Variants in NCAM1 observed in about 807,000 individuals in gnomAD.
NCAM1 encodes antigen recognized by monoclonal antibody 5.1H11.
Under a neutral mutation model 109.8 loss-of-function variants are expected in NCAM1, and 14 were observed. The ratio of observed to expected loss-of-function variants is 0.13; its 90% CI spans 0.08 to 0.20. NCAM1 has a LOEUF of 0.20. NCAM1 is among the 10% of genes least tolerant of loss of function. The pLI, the probability that NCAM1 is intolerant of heterozygous loss-of-function variation, is 1.00. For missense variants in NCAM1, 774 were observed against 1,109.9 expected, an observed-to-expected ratio of 0.70 and a Z score of 4.30; for synonymous variants, 418 against 442.9, an observed-to-expected ratio of 0.94 and a Z score of 0.70.
At chr11:113,168,477 T>C (rs1201791169) in intron 1 of NCAM1, among the ~76,000 whole-genome samples, 1 of 152,216 alleles carries the variant, frequency 6.6e-6, no homozygotes, top group African/African-American at 2.4e-5. Context: ...TTCCACCTAA[T>C]GTGCCTTATG....
intron 14 of NCAM1, among the ~76,000 whole-genome samples, chr11:113,235,780 C>G (rs1555118171): frequency 6.6e-6 from 1 of 152,196 alleles, no homozygotes; most frequent in African/African-American, 2.4e-5. Flanking sequence ...TGATTCCACT[C>G]AGGGATGTAT....
chr11:113,044,636 G>T (rs1394779207), intron 1 of NCAM1, among the ~76,000 whole-genome samples: 1 of 152,018 alleles, frequency 6.6e-6, no homozygotes, highest in African/African-American at 2.4e-5. Flanking sequence ...AATGAGCCAC[G>T]ATCGCGTCAC....
chr11:113,096,114 C>A lies in NCAM1; in HGVS notation c.53-106265C>A, dbSNP rs1939584528. On this transcript the variant is annotated intron_variant, in intron 1 of 19. Coordinates refer to ENST00000316851, the MANE Select transcript of NCAM1 (RefSeq NM_181351.5). ...GTCAGGTCTGACTTCAGGAAGTGCA[C>A]TGGGGTCACAGAGCAAAGGATGGCC... 2.0e-5 allele frequency among the ~76,000 whole-genome samples: 3 copies of A among 152,186 alleles called. No individual in the cohort carries two copies. The South Asian group carries it at 6.2e-4, about 32-fold the overall frequency.
intron 1 of NCAM1, among the ~76,000 whole-genome samples, chr11:112,978,520 A>G (rs1555068090): frequency 1.3e-5 from 2 of 151,810 alleles, no homozygotes; most frequent in Admixed American, 6.6e-5. Flanking sequence ...CTTTCTTTTA[A>G]TAAGACTGTG....
intron 15 of NCAM1, among the ~76,000 whole-genome samples, chr11:113,253,958 G>T (rs1436754072): frequency 6.6e-6 from 1 of 152,182 alleles, no homozygotes; most frequent in Non-Finnish European, 1.5e-5. Context: ...GGGATGAGTT[G>T]GTCACCCCAA....
At chr11:113,145,331 G>C in intron 1 of NCAM1, among the ~76,000 whole-genome samples, 1 of 152,240 alleles carries the variant, frequency 6.6e-6, no homozygotes, top group East Asian at 1.9e-4. Context: ...AAGCACAAAC[G>C]GCAAAAACAT....
chr11:113,041,226 C>G (rs1555079925), intron 1 of NCAM1: 1 of 152,094 alleles, frequency 6.6e-6, no homozygotes, highest in Non-Finnish European at 1.5e-5. Context: ...TTTTCATTCT[C>G]AAATCGGATA....
At chr11:113,252,406 A>G (rs1413106865) in intron 15 of NCAM1, among the ~76,000 whole-genome samples, 6 of 78,292 alleles carry the variant, frequency 7.7e-5, no homozygotes, top group African/African-American at 4.0e-4. Flanking sequence ...ACCCTGTCTC[A>G]AAAAAAAAAA....
chr11:113,067,440 G>A (rs1938021173), intron 1 of NCAM1, among the ~76,000 whole-genome samples: 2 of 152,206 alleles, frequency 1.3e-5, no homozygotes, highest in Admixed American at 6.5e-5. Context: ...CAATTAAAGA[G>A]TCTGTATACC....
intron 1 of NCAM1, among the ~76,000 whole-genome samples, chr11:113,175,261 A>G (rs1555106838): frequency 6.6e-6 from 1 of 152,238 alleles, no homozygotes; most frequent in Non-Finnish European, 1.5e-5. Context: ...TGTGAATGAC[A>G]GCACCACAAT....
chr11:112,980,466 T>C (rs1436626479), intron 1 of NCAM1, among the ~76,000 whole-genome samples: 1 of 151,878 alleles, frequency 6.6e-6, no homozygotes, highest in African/African-American at 2.4e-5. Flanking sequence ...GTGGTATATT[T>C]ATACAATAAA....
At chr11:113,185,231 C>T (rs1284674093) in intron 1 of NCAM1, among the ~76,000 whole-genome samples, 2 of 151,662 alleles carry the variant, frequency 1.3e-5, no homozygotes, top group African/African-American at 4.8e-5. Context: ...GTCCAAGAAC[C>T]AAGAGAGCAG....
chr11:113,172,376 C>T (rs782298853), intron 1 of NCAM1, among the ~76,000 whole-genome samples: 5 of 152,182 alleles, frequency 3.3e-5, no homozygotes, highest in Non-Finnish European at 7.3e-5. Context: ...CCGTCCTCAC[C>T]TGTATTCCCA....
chr11:113,061,795 A>G (rs1343113027), intron 1 of NCAM1, among the ~76,000 whole-genome samples: 1 of 152,250 alleles, frequency 6.6e-6, no homozygotes, highest in East Asian at 1.9e-4. Context: ...ACAGTAACAG[A>G]AAAGAAATGA....
intron 14 of NCAM1, among the ~76,000 whole-genome samples, chr11:113,237,035 A>C (rs1945187749): frequency 6.6e-6 from 1 of 152,332 alleles, no homozygotes; most frequent in South Asian, 2.1e-4. Context: ...AAGACTAACC[A>C]GCTAATGTAG....
At chr11:113,009,321 T>G (rs1459369122) in intron 1 of NCAM1, among the ~76,000 whole-genome samples, 9 of 135,548 alleles carry the variant, frequency 6.6e-5, no homozygotes, top group Non-Finnish European at 1.3e-4. Context: ...GGTTTTTTTT[T>G]TTTTTTTTTT....
chr11:113,152,685 A>G (rs1306840862), intron 1 of NCAM1, among the ~76,000 whole-genome samples: 2 of 152,220 alleles, frequency 1.3e-5, no homozygotes, highest in East Asian at 1.9e-4. Flanking sequence ...ACTATATTCA[A>G]CATTCATTGC....
chr11:113,110,059 A>G (rs543410095), intron 1 of NCAM1, among the ~76,000 whole-genome samples: 2 of 152,342 alleles, frequency 1.3e-5, no homozygotes, highest in Non-Finnish European at 2.9e-5. Flanking sequence ...GCCAAAGTGC[A>G]TGGAGCTAAT....
At chr11:113,007,494 A>C (rs1463548198) in intron 1 of NCAM1, among the ~76,000 whole-genome samples, 1 of 152,216 alleles carries the variant, frequency 6.6e-6, no homozygotes, top group Admixed American at 6.5e-5. Flanking sequence ...CTTATCAATT[A>C]GCAGATGAAA....
Sources: gnomAD v4.1 joint callset for allele counts (sites outside exome capture counted in the v4.1 genomes callset) on GRCh38, gnomAD v4.1.1 for gene constraint, MANE v1.5 for transcripts, NCBI Gene and HGNC (gene_info 2026-07-23, HGNC 2026-07-21) for gene names.